Variants in SLC5A4 observed in about 807,000 individuals in gnomAD.
The protein encoded by SLC5A4 is probable glucose sensor protein SLC5A4.
Under a neutral mutation model 70.3 loss-of-function variants are expected in SLC5A4, and 55 were observed. That is an observed-to-expected ratio of 0.78 (90% CI 0.63 to 0.98). The LOEUF (loss-of-function observed/expected upper bound fraction) is 0.98. Among genes scored for constraint, SLC5A4 ranks in the 50% least tolerant of loss-of-function variants. The pLI is 0.00. For missense variants in SLC5A4, 735 were observed against 839.2 expected, an observed-to-expected ratio of 0.88 and a Z score of 1.53; for synonymous variants, 268 against 305.7, an observed-to-expected ratio of 0.88 and a Z score of 1.29.
At chr22:32,300,155 G>C in the SLC5A4 span, among the ~76,000 whole-genome samples, 1 of 152,196 alleles carries the variant, frequency 6.6e-6, no homozygotes, top group East Asian at 1.9e-4. Context: ...GAGGCAGGCA[G>C]GCCTCCTTGA....
At chr22:32,273,754 G>A in the SLC5A4 span, among the ~76,000 whole-genome samples, 2 of 152,090 alleles carry the variant, frequency 1.3e-5, no homozygotes, top group Non-Finnish European at 2.9e-5. Flanking sequence ...ACAGCATACG[G>A]CACTATTTCC....
chr22:32,307,109 G>A, the SLC5A4 span, among the ~76,000 whole-genome samples: 5 of 152,072 alleles, frequency 3.3e-5, no homozygotes, highest in African/African-American at 9.7e-5. Flanking sequence ...CTATGTAAAC[G>A]GTATCCCTGG....
At chr22:32,324,221 ACATAT>A in the SLC5A4 span, among the ~76,000 whole-genome samples, 1 of 150,488 alleles carries the variant, frequency 6.6e-6, no homozygotes, top group African/African-American at 2.4e-5. Flanking sequence ...TCATATATAT[ACATAT>A]ATGTGTATAC....
At chr22:32,319,943 A>T in the SLC5A4 span, among the ~76,000 whole-genome samples, 1 of 152,146 alleles carries the variant, frequency 6.6e-6, no homozygotes, top group South Asian at 2.1e-4. Flanking sequence ...AACAAACAGA[A>T]GAACAAAAGC....
intron 8 of SLC5A4, 72 bp downstream of exon 8, chr22:32,234,801 C>T (rs1925962593): frequency 1.8e-6 from 2 of 1,086,108 alleles, no homozygotes; most frequent in Non-Finnish European, 2.8e-6. Context: ...CAAGAAAGAA[C>T]AAGCACATGC....
chr22:32,234,780 T>C, intron 8 of SLC5A4, 93 bp downstream of exon 8: 2 of 934,504 alleles, frequency 2.1e-6, no homozygotes, highest in South Asian at 1.5e-5. Flanking sequence ...ACTAAATGTT[T>C]TTCTATGAGA....
At chr22:32,244,158 G>T (rs1926686800) in intron 5 of SLC5A4, among the ~76,000 whole-genome samples, 1 of 152,200 alleles carries the variant, frequency 6.6e-6, no homozygotes, top group South Asian at 2.1e-4. Flanking sequence ...TTGTACAAAT[G>T]CAAAGTACTT....
chr22:32,240,377 GC>G (rs1373726723), intron 5 of SLC5A4, among the ~76,000 whole-genome samples: 2 of 151,876 alleles, frequency 1.3e-5, no homozygotes, highest in South Asian at 2.1e-4. Flanking sequence ...ACACTGTTTG[GC>G]TCAGCATAAT....
chr22:32,317,367 G>C, the SLC5A4 span, among the ~76,000 whole-genome samples: 1 of 152,064 alleles, frequency 6.6e-6, no homozygotes, highest in Non-Finnish European at 1.5e-5. Flanking sequence ...ACCTAAGAAA[G>C]ACATACAATA....
At chr22:32,316,734 C>T in the SLC5A4 span, among the ~76,000 whole-genome samples, 2 of 151,718 alleles carry the variant, frequency 1.3e-5, no homozygotes, top group Admixed American at 1.3e-4. Context: ...AATGAGATTT[C>T]ACCATGTTGG....
the SLC5A4 span, among the ~76,000 whole-genome samples, chr22:32,335,900 C>T: frequency 2.0e-5 from 3 of 152,198 alleles, no homozygotes; most frequent in South Asian, 4.1e-4. Context: ...CTCCAGCCCA[C>T]GGGCAAGCCT....
upstream of SLC5A4, among the ~76,000 whole-genome samples, chr22:32,259,483 A>G (rs1199010858): frequency 6.6e-6 from 1 of 152,006 alleles, no homozygotes; most frequent in African/African-American, 2.4e-5. Flanking sequence ...CCTTTGTTCT[A>G]TTAACGTGGC....
chr22:32,325,987 G>T, the SLC5A4 span, among the ~76,000 whole-genome samples: 1 of 152,250 alleles, frequency 6.6e-6, no homozygotes, highest in Non-Finnish European at 1.5e-5. Flanking sequence ...AGGGCCCACG[G>T]GGTGAGGAGG....
intron 12 of SLC5A4, among the ~76,000 whole-genome samples, chr22:32,224,999 T>C (rs1158009039): frequency 6.6e-6 from 1 of 152,134 alleles, no homozygotes; most frequent in African/African-American, 2.4e-5. Context: ...GGTATGAGCT[T>C]TGGATGGAAG....
the SLC5A4 span, among the ~76,000 whole-genome samples, chr22:32,294,477 C>T: frequency 6.6e-6 from 1 of 152,140 alleles, no homozygotes. Flanking sequence ...AGGATACTGA[C>T]ATCAAAACAC....
At chr22:32,331,846 C>T in the SLC5A4 span, among the ~76,000 whole-genome samples, 1 of 152,082 alleles carries the variant, frequency 6.6e-6, no homozygotes, top group Non-Finnish European at 1.5e-5. Context: ...GTTCCTCCTG[C>T]CACGGGTGGG....
At chr22:32,299,122 A>C in the SLC5A4 span, among the ~76,000 whole-genome samples, 3 of 108,030 alleles carry the variant, frequency 2.8e-5, no homozygotes, top group Non-Finnish European at 5.8e-5. Context: ...TGAATCTGAC[A>C]ATTATGTGTC....
At chr22:32,298,171 C>T in the SLC5A4 span, among the ~76,000 whole-genome samples, 12 of 147,372 alleles carry the variant, frequency 8.1e-5, no homozygotes, top group Admixed American at 2.7e-4. Context: ...CTGCTAGGTC[C>T]GCTTGGTGCA....
At chr22:32,270,974 C>G in the SLC5A4 span, 1 of 533,778 alleles carries the variant, frequency 1.9e-6, no homozygotes, top group Admixed American at 2.8e-5. Context: ...GCTAGGGGGC[C>G]ACAGTGGCTT....
Sources: gnomAD v4.1 joint callset for allele counts (sites outside exome capture counted in the v4.1 genomes callset) on GRCh38, gnomAD v4.1.1 for gene constraint, MANE v1.5 for transcripts, NCBI Gene and HGNC (gene_info 2026-07-23, HGNC 2026-07-21) for gene names.